The following RPS6KA2 variants were observed in gnomAD, a reference collection of about 807,000 sequenced individuals.
RPS6KA2 encodes the protein ribosomal protein S6 kinase A2.
In RPS6KA2, 42 loss-of-function variants were observed where a neutral mutation model predicts 91.8. That is an observed-to-expected ratio of 0.46 (90% CI 0.36 to 0.59). The LOEUF (loss-of-function observed/expected upper bound fraction) is 0.59, where lower values mean the gene tolerates loss of function less well. Among genes scored for constraint, RPS6KA2 ranks in the 20% least tolerant of loss-of-function variants. The pLI is 0.00. For missense variants in RPS6KA2, 798 were observed against 978.5 expected, an observed-to-expected ratio of 0.82 and a Z score of 2.46; for synonymous variants, 414 against 393.6, an observed-to-expected ratio of 1.05 and a Z score of -0.61.
chr6:166,702,195 C>T (rs1412972110), intron 2 of RPS6KA2: 8 of 1,607,052 alleles, frequency 5.0e-6, no homozygotes, highest in Non-Finnish European at 6.8e-6. Context: ...CCTTCTTTTC[C>T]TATAATGGCT....
chr6:166,420,294 A>T (rs531178962), intron 17 of RPS6KA2, among the ~76,000 whole-genome samples: 1 of 152,318 alleles, frequency 6.6e-6, no homozygotes, highest in South Asian at 2.1e-4. Context: ...TTTTAAGTGC[A>T]CAGTTTAGCA....
chr6:166,757,981 T>C (rs1044563611), intron 2 of RPS6KA2: 1 of 186,304 alleles, frequency 5.4e-6, no homozygotes, highest in African/African-American at 2.4e-5. Context: ...AGCAGAAGCG[T>C]CACTTAGAGG....
intron 2 of RPS6KA2, among the ~76,000 whole-genome samples, chr6:166,776,127 C>A (rs915620120): frequency 5.3e-5 from 8 of 152,260 alleles, no homozygotes; most frequent in East Asian, 1.9e-4. Flanking sequence ...CAGGTCCATG[C>A]AAAAATACGT....
chr6:166,747,851 C>G (rs1487557056), intron 2 of RPS6KA2, among the ~76,000 whole-genome samples: 1 of 152,224 alleles, frequency 6.6e-6, no homozygotes, highest in Non-Finnish European at 1.5e-5. Flanking sequence ...CAGGATGGCA[C>G]AGGGGCCTCC....
intron 3 of RPS6KA2, 122 bp from the exon 4 acceptor site, chr6:166,510,479 A>C (rs1782425417): frequency 2.0e-6 from 1 of 497,770 alleles, no homozygotes; most frequent in African/African-American, 2.0e-5. Flanking sequence ...AAACATATAC[A>C]AAACTTGAAA....
At chr6:166,755,750 G>A (rs546868930) in intron 2 of RPS6KA2, among the ~76,000 whole-genome samples, 2 of 152,228 alleles carry the variant, frequency 1.3e-5, no homozygotes, top group South Asian at 2.1e-4. Context: ...ACGGGGTGTC[G>A]GTAAGGAAAT....
chr6:166,478,061 G>A (rs1468045479), intron 10 of RPS6KA2, among the ~76,000 whole-genome samples: 1 of 152,162 alleles, frequency 6.6e-6, no homozygotes, highest in East Asian at 1.9e-4. Flanking sequence ...CGCATTTCCA[G>A]GGGGAGGCCA....
At chr6:166,743,116 T>C (rs141551929) in intron 2 of RPS6KA2, among the ~76,000 whole-genome samples, 3 of 152,254 alleles carry the variant, frequency 2.0e-5, no homozygotes, top group East Asian at 1.9e-4. Context: ...TCTGCATATC[T>C]CTCTAGCAAC....
intron 1 of RPS6KA2, among the ~76,000 whole-genome samples, chr6:166,599,089 C>T (rs1785641457): frequency 6.6e-6 from 1 of 152,204 alleles, no homozygotes; most frequent in Admixed American, 6.5e-5. Flanking sequence ...GCAGGAGTCA[C>T]CTGGTGCGTG....
Position 166,724,738 on chromosome 6 carries a change from G to A in RPS6KA2, c.123+133462C>T, listed in dbSNP as rs11961856. Among the ~76,000 whole-genome samples, 563 of 152,284 alleles carry A rather than the reference G, an allele frequency of 3.7e-3. 5 individuals carry two copies. Among genetic ancestry groups the A allele is most frequent in the African/African-American group, 0.013 (535 of 41,548 alleles). The stretch of plus-strand genomic sequence containing the variant: ...GGGTGCAGGTTCCTATTCTTTTAAC[G>A]TGGACCATCTGCAACTGGTTTTAAT... On this transcript the variant is annotated intron_variant, in intron 2 of 21. Coordinates refer to the RPS6KA2 transcript ENST00000503859.
In RPS6KA2 at chr6:166,744,427, G is replaced by C. The variant is rs150684907; in HGVS notation, c.123+113773C>G. 6.0e-4 allele frequency among the ~76,000 whole-genome samples: 91 copies of C among 152,338 alleles called. 4 individuals carry two copies. Among genetic ancestry groups the C allele is most frequent in the East Asian group, 4.6e-3 (24 of 5,166 alleles). On this transcript the variant is annotated intron_variant, in intron 2 of 21. Transcript: ENST00000503859. ...GGGAATGGGAGCGTTGCTGCCCGCT[G>C]AGGCCTCTGGGGGTAGGCTGGGTCC...
At chr6:166,669,566 C>T (rs7771784) in intron 2 of RPS6KA2, among the ~76,000 whole-genome samples, 6,836 of 152,254 alleles carry the variant, frequency 0.045, 357 homozygotes, top group African/African-American at 0.13. Context: ...GCACGGGGCC[C>T]AGCACCGTTG....
At chr6:166,854,942 TAA>T (rs1307912918) in intron 2 of RPS6KA2, among the ~76,000 whole-genome samples, 1 of 152,196 alleles carries the variant, frequency 6.6e-6, no homozygotes, top group Non-Finnish European at 1.5e-5. Flanking sequence ...GGAATCAACA[TAA>T]GTGTCCAACA....
intron 2 of RPS6KA2, among the ~76,000 whole-genome samples, chr6:166,817,291 C>T (rs1425912622): frequency 6.6e-6 from 1 of 152,138 alleles, no homozygotes; most frequent in Non-Finnish European, 1.5e-5. Context: ...CAAGACTCAT[C>T]ATGGTGGCTT....
intron 3 of RPS6KA2, among the ~76,000 whole-genome samples, chr6:166,518,457 C>G (rs1382473743): frequency 6.6e-6 from 1 of 151,810 alleles, no homozygotes; most frequent in Non-Finnish European, 1.5e-5. Context: ...TTATCTTAAA[C>G]AAGCAGAAAA....
rs547018441 is a variant in RPS6KA2 at position 166,490,208 on chromosome 6, A to C, written c.818+463T>G. Among the ~76,000 whole-genome samples, 1 of 152,238 alleles carries C rather than the reference A, an allele frequency of 6.6e-6. No homozygotes were observed. The highest frequency in any genetic ancestry group is 6.5e-5 in the Admixed American group (1 of 15,298). On this transcript the variant is annotated intron_variant, in intron 9 of 20. Transcript: ENST00000265678. The surrounding 1 kb of genome is among the most constrained non-coding windows in gnomAD (Gnocchi z 4.2). ...CAAGGTCAACCAGGAGTGCTATATG[A>C]ATGGGGTCAGCAGGTGGGGAGGGAA...
intron 14 of RPS6KA2, among the ~76,000 whole-genome samples, chr6:166,438,387 C>G (rs1232036619): frequency 6.6e-6 from 1 of 152,226 alleles, no homozygotes; most frequent in Non-Finnish European, 1.5e-5. Context: ...GAAGGCTGGC[C>G]CGCGCTCCAG....
chr6:166,772,461 C>T (rs372668624), intron 2 of RPS6KA2, among the ~76,000 whole-genome samples: 200 of 152,350 alleles, frequency 1.3e-3, no homozygotes, highest in African/African-American at 4.6e-3. Context: ...GGGATTCAGA[C>T]CCACCAGAAA....
chr6:166,626,916 A>G lies in RPS6KA2; in HGVS notation c.99+5T>C. The stretch of plus-strand genomic sequence containing the variant: ...ACCTGCGCGCCCCGAGGGCGGCCGC[A>G]TTACCTCGAGCCGGCTCAGGCTGGA... On this transcript the variant is annotated splice_donor_5th_base_variant and intron_variant, in intron 1 of 20. Coordinates refer to ENST00000265678, the MANE Select transcript of RPS6KA2 (RefSeq NM_021135.6). This position sits in a 1 kb window ranked among gnomAD's most constrained non-coding sequence, Gnocchi z 4.1. 6.6e-7 allele frequency: 1 copy of G among 1,516,458 alleles called. No individual in the cohort carries two copies. The highest frequency in any genetic ancestry group is 8.9e-7 in the Non-Finnish European group (1 of 1,129,016). The allele number at this position is 1,516,458 out of a possible 1,614,324, so 93.9% of individuals were successfully genotyped here.
Sources: gnomAD v4.1 joint callset for allele counts (sites outside exome capture counted in the v4.1 genomes callset) on GRCh38, gnomAD v4.1.1 for gene constraint, Gnocchi (gnomAD v3.1) non-coding constraint, MANE v1.5 for transcripts, NCBI Gene and HGNC (gene_info 2026-07-23, HGNC 2026-07-21) for gene names.